PRKCE: variants seen among roughly 807,000 people sequenced by gnomAD.
PRKCE encodes protein kinase C epsilon.
A neutral mutation model predicts 85.4 loss-of-function variants in PRKCE; 16 were observed. The ratio of observed to expected loss-of-function variants is 0.19; its 90% confidence interval spans 0.13 to 0.28. The LOEUF is 0.28. Ranked by LOEUF, PRKCE falls within the 10% of genes least tolerant of loss-of-function variation. The pLI, the probability that PRKCE is intolerant of heterozygous loss-of-function variation, is 1.00. For missense variants in PRKCE, 573 were observed against 975.2 expected (o/e 0.59, Z 5.49); for synonymous variants, 388 against 371.5 (o/e 1.04, Z -0.51).
rs553726076 is a variant in PRKCE at position 46,150,491 on chromosome 2, A to C, written c.1732-550A>C. On this transcript the variant is annotated intron_variant, in intron 12 of 14. Coordinates refer to ENST00000306156, the MANE Select transcript of PRKCE (RefSeq NM_005400.3). ...AAGAGTATAGTGGTCCTTTATAGGG[A>C]GACCATTACAGGGTGGGGGAGACTT... Among the ~76,000 whole-genome samples, 25 of 152,292 alleles carry C rather than the reference A, an allele frequency of 1.6e-4. 1 individual carries two copies. Among genetic ancestry groups the C allele is most frequent in the Middle Eastern group, 6.8e-3 (2 of 294 alleles).
chr2:45,959,526 T>C (rs1701238446), intron 2 of PRKCE, among the ~76,000 whole-genome samples: 1 of 152,166 alleles, frequency 6.6e-6, no homozygotes, highest in African/African-American at 2.4e-5. Flanking sequence ...ATTTCAATCT[T>C]TGTGGCCTCA....
In PRKCE at chr2:46,155,896, C is replaced by T. The variant is rs934822878; in HGVS notation, c.1921-3710C>T. 6.6e-6 allele frequency among the ~76,000 whole-genome samples: 1 copy of T among 152,044 alleles called. No individual in the cohort carries two copies. Among genetic ancestry groups the T allele is most frequent in the Non-Finnish European group, 1.5e-5 (1 of 68,026 alleles). ...TTCTTGTGTCCTTCTCATCTCTGTA[C>T]GTCTATCAGAGTGATCTCTTAGTGG... On this transcript the variant is annotated intron_variant, in intron 13 of 14. Coordinates refer to ENST00000306156, the MANE Select transcript of PRKCE (RefSeq NM_005400.3). This position sits in a 1 kb window ranked among gnomAD's most constrained non-coding sequence, Gnocchi z 4.7.
intron 9 of PRKCE, among the ~76,000 whole-genome samples, chr2:46,009,789 G>A (rs1705504849): frequency 6.6e-6 from 1 of 152,212 alleles, no homozygotes; most frequent in Non-Finnish European, 1.5e-5. Context: ...ATATTTACTT[G>A]AATTGAGTAT....
At chr2:45,839,487 T>C (rs1289798778) in intron 1 of PRKCE, among the ~76,000 whole-genome samples, 1 of 152,186 alleles carries the variant, frequency 6.6e-6, no homozygotes, top group Non-Finnish European at 1.5e-5. Context: ...AGGTTGCATC[T>C]GGGAGAACTG....
intron 13 of PRKCE, 69 bp downstream of exon 13, chr2:46,151,298 C>T (rs370295269): frequency 2.7e-4 from 296 of 1,109,582 alleles, no homozygotes; most frequent in Non-Finnish European, 3.1e-4. Flanking sequence ...CACACACACA[C>T]ACACACACAC....
intron 1 of PRKCE, among the ~76,000 whole-genome samples, chr2:45,800,258 C>T (rs1687753390): frequency 6.6e-6 from 1 of 152,196 alleles, no homozygotes; most frequent in South Asian, 2.1e-4. Flanking sequence ...GGTGTTTTCA[C>T]AAAATAAGAA....
intron 2 of PRKCE, among the ~76,000 whole-genome samples, chr2:45,929,220 T>C (rs1698854568): frequency 6.6e-6 from 1 of 152,152 alleles, no homozygotes; most frequent in African/African-American, 2.4e-5. Flanking sequence ...AGCCAATGGA[T>C]TTGGGCAGAT....
intron 2 of PRKCE, among the ~76,000 whole-genome samples, chr2:45,901,641 T>G (rs887085333): frequency 6.6e-6 from 1 of 152,254 alleles, no homozygotes; most frequent in African/African-American, 2.4e-5. Context: ...GCTGGGACGA[T>G]GAAGTGTGTG....
chr2:45,949,883 GTTGT>G (rs1700509038), intron 2 of PRKCE, among the ~76,000 whole-genome samples: 1 of 94,900 alleles, frequency 1.1e-5, no homozygotes, highest in African/African-American at 4.1e-5. Flanking sequence ...TTCATTCTTT[GTTGT>G]TTTTTTTTTT....
chr2:45,976,610 C>G (rs775378920), intron 3 of PRKCE, 22 bp downstream of exon 3: 12 of 1,596,476 alleles, frequency 7.5e-6, no homozygotes, highest in Non-Finnish European at 9.3e-6. Context: ...TCTTGGGAAC[C>G]TCTAATTACA....
At chr2:45,777,213 C>G (rs1685820453) in intron 1 of PRKCE, among the ~76,000 whole-genome samples, 1 of 152,136 alleles carries the variant, frequency 6.6e-6, no homozygotes, top group Admixed American at 6.5e-5. Context: ...CAGAGTGGGA[C>G]TGGGGGTTGT....
intron 11 of PRKCE, among the ~76,000 whole-genome samples, chr2:46,111,930 A>G (rs1299042002): frequency 6.6e-6 from 1 of 152,200 alleles, no homozygotes; most frequent in Non-Finnish European, 1.5e-5. Flanking sequence ...CCCACCAGCA[A>G]TGTATGAAGG....
chr2:45,964,327 G>A (rs1028034717), intron 2 of PRKCE, among the ~76,000 whole-genome samples: 3 of 152,190 alleles, frequency 2.0e-5, no homozygotes, highest in African/African-American at 7.2e-5. Flanking sequence ...CTCATGGAAC[G>A]TGAGCTCCAT....
intron 1 of PRKCE, among the ~76,000 whole-genome samples, chr2:45,836,984 C>T (rs1040673546): frequency 3.9e-5 from 6 of 152,196 alleles, no homozygotes; most frequent in Non-Finnish European, 7.3e-5. Flanking sequence ...GAAAGGTTTG[C>T]TTAGACATCT....
At chr2:45,721,331 G>T (rs1198422315) in intron 1 of PRKCE, among the ~76,000 whole-genome samples, 2 of 152,152 alleles carry the variant, frequency 1.3e-5, no homozygotes, top group Non-Finnish European at 2.9e-5. Flanking sequence ...CCCACAGGGA[G>T]AGTTAAATAA....
At chr2:46,085,328 G>A (rs1192610350) in intron 10 of PRKCE, among the ~76,000 whole-genome samples, 1 of 152,186 alleles carries the variant, frequency 6.6e-6, no homozygotes, top group African/African-American at 2.4e-5. Flanking sequence ...GTGCATGGGG[G>A]TTCACAGTCT....
At chr2:46,126,768 G>T (rs983335708) in intron 11 of PRKCE, among the ~76,000 whole-genome samples, 3 of 152,154 alleles carry the variant, frequency 2.0e-5, no homozygotes, top group Non-Finnish European at 2.9e-5. Context: ...GCAGTCCCAT[G>T]GGAGGGTGAA....
At chr2:45,661,467 A>C (rs534962395) in intron 1 of PRKCE, among the ~76,000 whole-genome samples, 31 of 149,582 alleles carry the variant, frequency 2.1e-4, no homozygotes, top group Middle Eastern at 3.7e-3. Context: ...ATATAAGAGA[A>C]GTGAGCCACT....
At chr2:45,900,394 C>A (rs918136911) in intron 2 of PRKCE, among the ~76,000 whole-genome samples, 1 of 152,208 alleles carries the variant, frequency 6.6e-6, no homozygotes, top group Admixed American at 6.5e-5. Flanking sequence ...AATGGATAAA[C>A]AAAATGTGGT....
Sources: allele counts gnomAD v4.1 joint callset (sites outside exome capture counted in the v4.1 genomes callset), GRCh38; gene constraint gnomAD v4.1.1; non-coding constraint Gnocchi (gnomAD v3.1); transcripts MANE v1.5; gene names NCBI Gene and HGNC (gene_info 2026-07-23, HGNC 2026-07-21).